The following DPP6 variants were observed in gnomAD, a reference collection of about 807,000 sequenced individuals.
DPP6 encodes the protein dipeptidyl peptidase like 6, also known as A-type potassium channel modulatory protein DPP6.
Under a neutral mutation model 122.6 loss-of-function variants are expected in DPP6, and 69 were observed. That is an observed-to-expected ratio of 0.56 (90% confidence interval 0.46 to 0.69). DPP6 has a LOEUF of 0.69. DPP6 is among the 30% of genes least tolerant of loss of function. The pLI, the probability that DPP6 is intolerant of heterozygous loss-of-function variation, is 0.00. For synonymous variants in DPP6, 418 were observed against 433.1 expected (o/e 0.97, Z 0.43); for missense variants, 928 against 1,116.9 (o/e 0.83, Z 2.41).
intron 16 of DPP6, among the ~76,000 whole-genome samples, chr7:154,815,488 T>C (rs1414413619): frequency 6.6e-6 from 1 of 152,236 alleles, no homozygotes; most frequent in Non-Finnish European, 1.5e-5. Context: ...ACTGGATTTT[T>C]CTCTTCAAAA....
At chr7:153,782,776 T>G in the DPP6 span, among the ~76,000 whole-genome samples, 1 of 152,176 alleles carries the variant, frequency 6.6e-6, no homozygotes, top group African/African-American at 2.4e-5. Flanking sequence ...GGAGATAGAT[T>G]CACCTCTTGC....
the DPP6 span, among the ~76,000 whole-genome samples, chr7:153,751,294 G>A: frequency 6.6e-6 from 1 of 152,166 alleles, no homozygotes; most frequent in Non-Finnish European, 1.5e-5. Context: ...TACTGGTGTA[G>A]CAATTTACAC....
In DPP6 at chr7:154,793,791, G is replaced by A. The variant is rs548826484; in HGVS notation, c.1137-288G>A. ...GAGAGACGAGACCTCAAAACCCACG[G>A]AGCAGCCCCCACACCCCTCACCCCC... On this transcript the variant is annotated intron_variant, in intron 10 of 25. Coordinates refer to ENST00000377770, the MANE Select transcript of DPP6 (RefSeq NM_130797.4). The A allele has an allele frequency of 3.3e-4, 99 of 304,042 alleles. 3 individuals carry two copies. In the South Asian group the frequency reaches 5.8e-3, roughly 18 times the overall value. The allele number at this position is 304,042 out of a possible 1,614,324, so 18.8% of individuals were successfully genotyped here. A position where few individuals can be genotyped will look rare whatever the true frequency, so the allele number is the denominator to read the frequency against.
chr7:154,590,183 A>G (rs1020195298), intron 5 of DPP6, among the ~76,000 whole-genome samples: 9 of 152,200 alleles, frequency 5.9e-5, no homozygotes, highest in African/African-American at 2.2e-4. Context: ...ATGACCCTGC[A>G]GTGATAGCAG....
intron 2 of DPP6, among the ~76,000 whole-genome samples, chr7:154,450,062 T>G (rs951513068): frequency 2.0e-5 from 3 of 150,584 alleles, no homozygotes; most frequent in Admixed American, 6.6e-5. Flanking sequence ...ATAAATGTGA[T>G]GTAACCATAC....
chr7:154,807,716 G>A (rs566028570), intron 16 of DPP6, among the ~76,000 whole-genome samples: 1 of 152,098 alleles, frequency 6.6e-6, no homozygotes, highest in Non-Finnish European at 1.5e-5. Flanking sequence ...CAGCTACTAG[G>A]GAGGCTGAGG....
At chr7:153,869,064 A>G in the DPP6 span, among the ~76,000 whole-genome samples, 3 of 152,282 alleles carry the variant, frequency 2.0e-5, no homozygotes, top group South Asian at 4.2e-4. Flanking sequence ...GGAGTGCTTT[A>G]CTTCCAACTA....
Position 154,291,921 on chromosome 7 carries a change from G to T in DPP6, c.244-154293G>T, listed in dbSNP as rs566030425. On this transcript the variant is annotated intron_variant, in intron 1 of 25. Transcript: ENST00000377770. The stretch of plus-strand genomic sequence containing the variant: ...TACCTCAGAATAAAGGAGCGTATCA[G>T]CTTCATTCCTTTTCAGAGGTACAGC... Among the ~76,000 whole-genome samples the T allele has an allele frequency of 4.3e-4, 66 of 152,308 alleles. 1 individual carries two copies. Among genetic ancestry groups the T allele is most frequent in the African/African-American group, 1.5e-3 (62 of 41,564 alleles).
intron 1 of DPP6, among the ~76,000 whole-genome samples, chr7:154,294,726 A>G (rs1805423363): frequency 6.6e-6 from 1 of 151,666 alleles, no homozygotes; most frequent in African/African-American, 2.4e-5. Context: ...GGAGCCCCAG[A>G]CAGGGGACAA....
the DPP6 span, among the ~76,000 whole-genome samples, chr7:153,854,244 T>G: frequency 6.6e-6 from 1 of 152,022 alleles, no homozygotes; most frequent in Non-Finnish European, 1.5e-5. Flanking sequence ...TTTTGGTTAC[T>G]GTAGCCTTGT....
chr7:154,883,041 ACACACACATGCTCACACATT>A (rs1217056057), intron 21 of DPP6, among the ~76,000 whole-genome samples: 1 of 130,210 alleles, frequency 7.7e-6, no homozygotes, highest in Admixed American at 7.3e-5. Flanking sequence ...ACACATGCTC[ACACACACATGCTCACACATT>A]CACACACATG....
chr7:154,433,774 C>G (rs1053079212), intron 1 of DPP6, among the ~76,000 whole-genome samples: 1 of 152,172 alleles, frequency 6.6e-6, no homozygotes, highest in Non-Finnish European at 1.5e-5. Flanking sequence ...TAAGCTCTGG[C>G]CTGGCCCACT....
chr7:153,850,620 T>C, the DPP6 span, among the ~76,000 whole-genome samples: 39 of 152,306 alleles, frequency 2.6e-4, no homozygotes, highest in African/African-American at 8.2e-4. Flanking sequence ...GAGGTTTCAT[T>C]GACTCACAGT....
At chr7:153,910,731 G>A (rs1260660268) in intron 1 of DPP6, among the ~76,000 whole-genome samples, 2 of 152,148 alleles carry the variant, frequency 1.3e-5, no homozygotes, top group Non-Finnish European at 2.9e-5. Flanking sequence ...TGACCTTGGT[G>A]CACAGAACCA....
At chr7:153,967,570 G>A (rs1795816860) in intron 1 of DPP6, among the ~76,000 whole-genome samples, 1 of 152,166 alleles carries the variant, frequency 6.6e-6, no homozygotes, top group Admixed American at 6.5e-5. Flanking sequence ...CCTCGGGGGT[G>A]TTTCTCTGGC....
chr7:154,176,061 G>T (rs1019053861), intron 1 of DPP6, among the ~76,000 whole-genome samples: 1 of 152,156 alleles, frequency 6.6e-6, no homozygotes, highest in African/African-American at 2.4e-5. Context: ...AGCTGAAGTG[G>T]ATACATATTT....
At chr7:153,921,723 A>G (rs947104327) in intron 1 of DPP6, among the ~76,000 whole-genome samples, 4 of 152,266 alleles carry the variant, frequency 2.6e-5, no homozygotes, top group African/African-American at 9.6e-5. Flanking sequence ...CTGAACAGGT[A>G]CATAATGGCC....
intron 1 of DPP6, among the ~76,000 whole-genome samples, chr7:153,919,218 C>G (rs1281558188): frequency 6.6e-6 from 1 of 152,122 alleles, no homozygotes; most frequent in Non-Finnish European, 1.5e-5. Flanking sequence ...CCTGAGGACA[C>G]TCGGTGTCAT....
In DPP6 at chr7:154,514,377, CT is replaced by C. The variant is rs550468378; in HGVS notation, c.458-26147del. On this transcript the variant is annotated intron_variant, in intron 3 of 25. Transcript: ENST00000377770. ...AACCCATTTTTCTTTCTCAGGAATT[CT>C]TTTTTTTCAATTGCTGTTAAATATA... is the stretch of plus-strand genomic sequence containing the variant. Among the ~76,000 whole-genome samples the C allele has an allele frequency of 7.2e-3, 1,087 of 152,014 alleles. 17 individuals are homozygous for C. Among genetic ancestry groups the C allele is most frequent in the African/African-American group, 0.025 (1,045 of 41,452 alleles).
Sources: allele counts gnomAD v4.1 joint callset (sites outside exome capture counted in the v4.1 genomes callset), GRCh38; gene constraint gnomAD v4.1.1; transcripts MANE v1.5; gene names NCBI Gene and HGNC (gene_info 2026-07-23, HGNC 2026-07-21).